XPO6: variants seen among roughly 807,000 people sequenced by gnomAD.
XPO6 encodes the protein exportin-6.
XPO6 carries 3 observed loss-of-function variants against 130.0 expected under a neutral mutation model. The observed-to-expected ratio is 0.02, with a 90% CI of 0.01 to 0.06. XPO6 has a LOEUF of 0.06. Ranked by LOEUF, XPO6 falls within the 10% of genes least tolerant of loss-of-function variation. XPO6 has a pLI of 1.00. For synonymous variants in XPO6, 524 were observed against 548.9 expected, an observed-to-expected ratio of 0.95 and a Z score of 0.63; for missense variants, 970 against 1,393.0, an observed-to-expected ratio of 0.70 and a Z score of 4.83.
intron 14 of XPO6, among the ~76,000 whole-genome samples, chr16:28,119,487 A>G (rs2141261739): frequency 6.6e-6 from 1 of 152,320 alleles, no homozygotes; most frequent in East Asian, 1.9e-4. Context: ...ACAAATCCAG[A>G]TTGTAGGACA....
Position 28,132,917 on chromosome 16 carries a change from T to G in XPO6, c.1537-514A>C, listed in dbSNP as rs1271506808. ...AGAACGTCATAACCGGAGCTGCATC[T>G]TTCTTTCTCAAGCTGCTACACTCAC... On this transcript the variant is annotated intron_variant, in intron 11 of 23. Coordinates refer to ENST00000304658, the MANE Select transcript of XPO6 (RefSeq NM_015171.4). This position sits in a 1 kb window ranked among gnomAD's most constrained non-coding sequence, Gnocchi z 4.0. Among the ~76,000 whole-genome samples, 1 of 152,240 alleles carries G rather than the reference T, an allele frequency of 6.6e-6. No individual in the cohort carries two copies. The highest frequency in any genetic ancestry group is 6.5e-5 in the Admixed American group (1 of 15,286).
At chr16:28,154,044 C>T (rs1002536275) in intron 7 of XPO6, 36 of 985,066 alleles carry the variant, frequency 3.7e-5, no homozygotes, top group East Asian at 3.4e-4. Context: ...GCCAAGTACT[C>T]GAAAAACAGT....
rs371346867 is a variant in XPO6 at position 28,117,291 on chromosome 16, A to G, written c.2004+27T>C. 43 of 1,612,080 alleles carry G rather than the reference A, an allele frequency of 2.7e-5. No individual in the cohort carries two copies. In the African/African-American group the frequency reaches 5.6e-4, roughly 21 times the overall value. On this transcript the variant is annotated intron_variant, in intron 15 of 23. Coordinates refer to ENST00000304658, the MANE Select transcript of XPO6 (RefSeq NM_015171.4). The stretch of plus-strand genomic sequence containing the variant: ...GAAGGAGAGACAGAGAGTTAGATAA[A>G]AGGTGTAGGCTTTGCTGTTTCGAGA...
At chr16:28,117,569 C>A in intron 14 of XPO6, 107 bp from the exon 15 acceptor site, 2 of 1,327,674 alleles carry the variant, frequency 1.5e-6, no homozygotes, top group South Asian at 2.7e-5. Flanking sequence ...ATTTGCTGTT[C>A]TAAGACATGG....
At chr16:28,190,223 AT>A (rs753474910) in intron 1 of XPO6, among the ~76,000 whole-genome samples, 512 of 135,884 alleles carry the variant, frequency 3.8e-3, no homozygotes, top group Admixed American at 4.5e-3. Flanking sequence ...TTCTTTCTTT[AT>A]TTTTTTTTTT....
chr16:28,113,104 C>A (rs2086970285), intron 15 of XPO6, 54 bp from the exon 16 acceptor site: 9 of 1,574,684 alleles, frequency 5.7e-6, no homozygotes, highest in African/African-American at 1.3e-5. Context: ...GACTGGGATT[C>A]GAACTTTGCT....
chr16:28,125,552 A>C, intron 13 of XPO6, 137 bp downstream of exon 13: 3 of 1,076,630 alleles, frequency 2.8e-6, no homozygotes, highest in Non-Finnish European at 3.9e-6. Flanking sequence ...TTTGTTCCCT[A>C]TCAGCTTGTA....
Position 28,117,479 on chromosome 16 carries a change from A to T in XPO6, c.1860-17T>A, listed in dbSNP as rs753855017. 4.3e-6 allele frequency: 7 copies of T among 1,609,302 alleles called. No homozygotes were observed. The African/African-American group carries it at 5.3e-5, about 12-fold the overall frequency. On this transcript the variant is annotated splice_polypyrimidine_tract_variant and intron_variant, in intron 14 of 23. Transcript: ENST00000304658. ...TGAGCATGCCTGCAGAAAGAAAAGA[A>T]GATGTGATTTTAAAGGTTAAGGTGA...
chr16:28,184,460 A>C (rs2043663088), intron 1 of XPO6, among the ~76,000 whole-genome samples: 1 of 152,166 alleles, frequency 6.6e-6, no homozygotes, highest in Non-Finnish European at 1.5e-5. Context: ...ACTAACCATA[A>C]AGGAAAAGAC....
At chr16:28,141,949 G>A (rs1342742620) in intron 9 of XPO6, among the ~76,000 whole-genome samples, 2 of 152,240 alleles carry the variant, frequency 1.3e-5, no homozygotes, top group African/African-American at 4.8e-5. Flanking sequence ...AAGTGAGCAT[G>A]CAGAGCTCCA....
chr16:28,136,157 C>T (rs1388170838), intron 9 of XPO6, among the ~76,000 whole-genome samples: 1 of 152,028 alleles, frequency 6.6e-6, no homozygotes, highest in Non-Finnish European at 1.5e-5. Context: ...AACCTAGGGC[C>T]CCCTAATTCA....
chr16:28,168,413 T>C (rs932587322), intron 5 of XPO6, among the ~76,000 whole-genome samples: 4 of 151,858 alleles, frequency 2.6e-5, no homozygotes, highest in Middle Eastern at 3.4e-3. Flanking sequence ...GGCCCCAAAA[T>C]CTGAGGCTGC....
In XPO6 at chr16:28,211,507, C is replaced by T. The variant is rs2044131642; in HGVS notation, c.-139G>A. The T allele has an allele frequency of 1.9e-6, 2 of 1,037,796 alleles. No homozygotes were observed. Among genetic ancestry groups the T allele is most frequent in the Middle Eastern group, 3.5e-4 (1 of 2,880 alleles). 64.3% of individuals were successfully genotyped at this position (1,037,796 alleles called of 1,614,324 possible). On this transcript the variant is annotated 5_prime_UTR_variant, in exon 1 of 24. Transcript: ENST00000304658. ...AAGACAACCCCTTCCCCACCGGGCC[C>T]CGAGGGGACCCTCTAAAAAGGGCAG...
intron 1 of XPO6, among the ~76,000 whole-genome samples, chr16:28,193,182 G>A (rs983476797): frequency 2.6e-5 from 4 of 152,108 alleles, no homozygotes; most frequent in African/African-American, 4.8e-5. Flanking sequence ...GTTCAGTCAC[G>A]TTCCTCAAAG....
intron 6 of XPO6, among the ~76,000 whole-genome samples, chr16:28,159,929 T>TA (rs2043246035): frequency 6.6e-6 from 1 of 152,196 alleles, no homozygotes; most frequent in African/African-American, 2.4e-5. Context: ...CTCACGCCTG[T>TA]AATCCCAGCA....
chr16:28,152,091 C>T (rs1029536932), intron 8 of XPO6, among the ~76,000 whole-genome samples: 3 of 130,282 alleles, frequency 2.3e-5, no homozygotes, highest in African/African-American at 9.1e-5. Context: ...TGTGTGTGTA[C>T]ACACACATAC....
intron 13 of XPO6, among the ~76,000 whole-genome samples, chr16:28,124,969 G>A (rs1211063283): frequency 1.3e-5 from 2 of 152,168 alleles, no homozygotes; most frequent in East Asian, 3.8e-4. Context: ...TTCAACAGCT[G>A]CCTTGAAATG....
chr16:28,104,738 A>G (rs1475105622), intron 20 of XPO6, 31 bp from the exon 21 acceptor site: 2 of 1,610,766 alleles, frequency 1.2e-6, no homozygotes, highest in Non-Finnish European at 1.7e-6. Context: ...TCAGACCTGC[A>G]GCTTGCGGAG....
chr16:28,194,635 T>C (rs2043831241), intron 1 of XPO6, among the ~76,000 whole-genome samples: 1 of 152,102 alleles, frequency 6.6e-6, no homozygotes, highest in Non-Finnish European at 1.5e-5. Flanking sequence ...AGAAAAGCCC[T>C]GCACTAAAGC....
Sources: gnomAD v4.1 joint callset for allele counts (sites outside exome capture counted in the v4.1 genomes callset) on GRCh38, gnomAD v4.1.1 for gene constraint, Gnocchi (gnomAD v3.1) non-coding constraint, MANE v1.5 for transcripts, NCBI Gene and HGNC (gene_info 2026-07-23, HGNC 2026-07-21) for gene names.